Variants in GRM7 observed in about 807,000 individuals in gnomAD.
GRM7 encodes the protein metabotropic glutamate receptor 7.
In GRM7, 35 loss-of-function variants were observed where a neutral mutation model predicts 84.5. The observed-to-expected ratio is 0.41, with a 90% confidence interval of 0.32 to 0.55. The LOEUF is 0.55. Among genes scored for constraint, GRM7 ranks in the 20% least tolerant of loss-of-function variants. The probability of loss-of-function intolerance (pLI) is 0.19; values close to 1 mark genes in which losing one functional copy is unlikely to be tolerated. For synonymous variants in GRM7, 487 were observed against 455.1 expected, an observed-to-expected ratio of 1.07 and a Z score of -0.89; for missense variants, 1,003 against 1,194.6, an observed-to-expected ratio of 0.84 and a Z score of 2.36.
At chr3:6,865,187 A>G (rs1694898165) in intron 1 of GRM7, among the ~76,000 whole-genome samples, 1 of 152,224 alleles carries the variant, frequency 6.6e-6, no homozygotes, top group Admixed American at 6.5e-5. Context: ...AGCTTGCGCA[A>G]AATAATACTC....
At chr3:7,728,151 G>C (rs1702195429) in intron 9 of GRM7, among the ~76,000 whole-genome samples, 1 of 152,094 alleles carries the variant, frequency 6.6e-6, no homozygotes, top group African/African-American at 2.4e-5. Context: ...ACAAAGAAAA[G>C]AAAAAGTAGC....
chr3:7,585,668 C>T (rs1423635569), intron 8 of GRM7, among the ~76,000 whole-genome samples: 1 of 152,134 alleles, frequency 6.6e-6, no homozygotes, highest in East Asian at 1.9e-4. Flanking sequence ...CTGGAGCTCA[C>T]TTTTCCCCAT....
At position 7,683,586 on chromosome 3, in the gene GRM7, T is replaced by A. The variant is rs1208239102; in HGVS notation, c.2698+3291T>A. Among the ~76,000 whole-genome samples the A allele has an allele frequency of 2.0e-5, 3 of 152,082 alleles. 1 individual carries two copies. The highest frequency in any genetic ancestry group is 7.2e-5 in the African/African-American group (3 of 41,410). The stretch of plus-strand genomic sequence containing the variant: ...AACTCTCAAAAGTCCCAAAAAAGAA[T>A]CCAAAGAGCTTATCTGCACAAAAGC... On this transcript the variant is annotated intron_variant, in intron 9 of 9. Transcript: ENST00000357716.
intron 1 of GRM7, among the ~76,000 whole-genome samples, chr3:6,872,990 G>T (rs1210552268): frequency 6.6e-6 from 1 of 152,126 alleles, no homozygotes; most frequent in Non-Finnish European, 1.5e-5. Flanking sequence ...TAATGGGATT[G>T]CTGGGTCAAA....
chr3:7,082,744 G>A (rs566116262), intron 1 of GRM7, among the ~76,000 whole-genome samples: 1 of 152,222 alleles, frequency 6.6e-6, no homozygotes, highest in African/African-American at 2.4e-5. Context: ...AACATGAACA[G>A]GAGTTTGGAA....
At chr3:7,170,184 A>C (rs1694938755) in intron 2 of GRM7, among the ~76,000 whole-genome samples, 1 of 152,130 alleles carries the variant, frequency 6.6e-6, no homozygotes, top group Non-Finnish European at 1.5e-5. Context: ...CTGGGGGAGT[A>C]AATCGATTGT....
intron 1 of GRM7, among the ~76,000 whole-genome samples, chr3:6,946,927 G>T (rs1292325467): frequency 2.0e-5 from 3 of 152,156 alleles, no homozygotes; most frequent in Non-Finnish European, 4.4e-5. Context: ...TGCTGAAGTT[G>T]CTTATCAGCT....
chr3:7,730,874 T>C (rs1702304892), intron 9 of GRM7, among the ~76,000 whole-genome samples: 1 of 152,196 alleles, frequency 6.6e-6, no homozygotes, highest in South Asian at 2.1e-4. Context: ...TAAGAAAAAG[T>C]AGAAATCTGA....
At chr3:7,100,491 C>T (rs1309859554) in intron 1 of GRM7, among the ~76,000 whole-genome samples, 1 of 151,744 alleles carries the variant, frequency 6.6e-6, no homozygotes, top group African/African-American at 2.4e-5. Context: ...GGCAAAAATA[C>T]CAGCCTAAAT....
At chr3:7,384,430 T>A (rs1017689341) in intron 4 of GRM7, among the ~76,000 whole-genome samples, 17 of 152,228 alleles carry the variant, frequency 1.1e-4, no homozygotes, top group African/African-American at 3.9e-4. Context: ...TGTTGAAGTT[T>A]GTGCCAATGC....
At chr3:7,579,607 T>C (rs916874573) in intron 8 of GRM7, among the ~76,000 whole-genome samples, 1 of 152,184 alleles carries the variant, frequency 6.6e-6, no homozygotes, top group African/African-American at 2.4e-5. Context: ...TTATTAAATG[T>C]AATGAGAGAT....
intron 4 of GRM7, among the ~76,000 whole-genome samples, chr3:7,353,459 T>A (rs1343194477): frequency 2.6e-5 from 4 of 151,940 alleles, no homozygotes; most frequent in African/African-American, 9.7e-5. Context: ...GTTTATTTAG[T>A]GGGTTGGCAG....
intron 2 of GRM7, among the ~76,000 whole-genome samples, chr3:7,214,893 T>A (rs562470925): frequency 4.1e-4 from 63 of 152,330 alleles, no homozygotes; most frequent in Non-Finnish European, 4.4e-4. Context: ...ATTGGATTCT[T>A]TATATATTCC....
intron 1 of GRM7, among the ~76,000 whole-genome samples, chr3:7,087,024 C>G (rs991560209): frequency 6.6e-6 from 1 of 151,966 alleles, no homozygotes; most frequent in Non-Finnish European, 1.5e-5. Context: ...GCTATGAGTG[C>G]CAAATAAAAG....
At chr3:7,156,859 T>C (rs1029295728) in intron 2 of GRM7, among the ~76,000 whole-genome samples, 9 of 152,116 alleles carry the variant, frequency 5.9e-5, no homozygotes, top group Admixed American at 5.9e-4. Context: ...TATTTAGTCT[T>C]CATTGGATAT....
chr3:6,950,194 C>T (rs1242874674), intron 1 of GRM7, among the ~76,000 whole-genome samples: 1 of 152,092 alleles, frequency 6.6e-6, no homozygotes, highest in East Asian at 1.9e-4. Context: ...TTTTTATCTA[C>T]CTTTGGTCTT....
chr3:7,139,577 G>A (rs1693879452), intron 1 of GRM7, among the ~76,000 whole-genome samples: 1 of 151,894 alleles, frequency 6.6e-6, no homozygotes, highest in African/African-American at 2.4e-5. Flanking sequence ...TTCTCTGAAA[G>A]AATGGAATAC....
Position 7,710,880 on chromosome 3 carries a change from C to T in GRM7, c.2699-29477C>T, listed in dbSNP as rs559395337. Among the ~76,000 whole-genome samples, 27 of 152,278 alleles carry T rather than the reference C, an allele frequency of 1.8e-4. 1 individual carries two copies. The highest frequency in any genetic ancestry group is 1.6e-3 in the Admixed American group (24 of 15,296). On this transcript the variant is annotated intron_variant, in intron 9 of 9. Transcript: ENST00000357716. ...TACCACTGTCTCTGCCAAGATCCTC[C>T]CCACCTTTTTCACCTGTCTCAACCT...
chr3:7,181,444 G>A (rs1202631999), intron 2 of GRM7, among the ~76,000 whole-genome samples: 1 of 151,886 alleles, frequency 6.6e-6, no homozygotes, highest in East Asian at 1.9e-4. Context: ...TTGGTCAGTT[G>A]TTAGTATTCC....
Sources: allele counts gnomAD v4.1 joint callset (sites outside exome capture counted in the v4.1 genomes callset), GRCh38; gene constraint gnomAD v4.1.1; transcripts MANE v1.5; gene names NCBI Gene and HGNC (gene_info 2026-07-23, HGNC 2026-07-21).